The following ARHGAP21 variants were observed in gnomAD, a reference collection of about 807,000 sequenced individuals.
The protein encoded by ARHGAP21 is Rho GTPase activating protein 21.
Under a neutral mutation model 164.6 loss-of-function variants are expected in ARHGAP21, and 38 were observed. The ratio of observed to expected loss-of-function variants is 0.23; its 90% CI spans 0.18 to 0.30. The LOEUF is 0.30. ARHGAP21 is among the 10% of genes least tolerant of loss of function. The probability of loss-of-function intolerance (pLI) is 1.00; values close to 1 mark genes in which losing one functional copy is unlikely to be tolerated. For synonymous variants in ARHGAP21, 766 were observed against 857.9 expected (o/e 0.89, Z 1.87); for missense variants, 1,822 against 2,370.7 (o/e 0.77, Z 4.81).
intron 4 of ARHGAP21, among the ~76,000 whole-genome samples, chr10:24,642,730 A>G (rs1215712123): frequency 6.6e-6 from 1 of 152,202 alleles, no homozygotes; most frequent in African/African-American, 2.4e-5. Context: ...AAGGTTTCAC[A>G]TGTAAAAATC....
chr10:24,595,859 G>C, intron 18 of ARHGAP21, 29 bp downstream of exon 18: 1 of 1,610,228 alleles, frequency 6.2e-7, no homozygotes. Context: ...GGAAAAAAAA[G>C]GATCAGTTAT....
chr10:24,694,158 A>G (rs1308214116), intron 2 of ARHGAP21, among the ~76,000 whole-genome samples: 1 of 152,220 alleles, frequency 6.6e-6, no homozygotes, highest in Admixed American at 6.5e-5. Context: ...AGTACCATTC[A>G]ACTCACCCAT....
At position 24,613,028 on chromosome 10, in the gene ARHGAP21, C is replaced by A. The variant is rs541302625; in HGVS notation, c.2423-5125G>T. ...TTCTTTCAAGTAATAATGTATTAAT[C>A]TTTGGCAATGCCACTTTTTTTTTTA... On this transcript the variant is annotated intron_variant, in intron 9 of 25. Transcript: ENST00000396432. Among the ~76,000 whole-genome samples, 4 of 151,954 alleles carry A rather than the reference C, an allele frequency of 2.6e-5. No individual in the cohort carries two copies. In the East Asian group the frequency reaches 7.7e-4, roughly 29 times the overall value.
chr10:24,699,231 G>A (rs900089379), intron 2 of ARHGAP21, among the ~76,000 whole-genome samples: 4 of 152,120 alleles, frequency 2.6e-5, no homozygotes, highest in African/African-American at 9.6e-5. Context: ...TTGGGAATGG[G>A]AGGGAAATAT....
chr10:24,695,351 T>C (rs2132058478), intron 2 of ARHGAP21, among the ~76,000 whole-genome samples: 1 of 152,088 alleles, frequency 6.6e-6, no homozygotes, highest in Middle Eastern at 3.4e-3. Context: ...GGTGGATCAC[T>C]TGAAATCATG....
At chr10:24,720,748 C>CT in intron 2 of ARHGAP21, among the ~76,000 whole-genome samples, 1 of 152,180 alleles carries the variant, frequency 6.6e-6, no homozygotes, top group South Asian at 2.1e-4. Context: ...GTTTCAAGGA[C>CT]TATGAAGTTA....
Position 24,607,900 on chromosome 10 carries a change from T to A in ARHGAP21, c.2426A>T (p.Glu809Val). Residue 809 changes from glutamate to valine, a missense_variant, in exon 10 of 26, where the codon GAA (glutamate) becomes GTA (valine). Physicochemically the swap from Glu to Val is moderately radical, Grantham distance 121 (BLOSUM62 -2). Coordinates refer to ENST00000396432, the MANE Select transcript of ARHGAP21 (RefSeq NM_020824.4). The stretch of plus-strand genomic sequence containing the variant: ...ATGATCAATGCTAGGGCTAGTTGGT[T>A]CATCTGTAAGAAAAAAGGAAAATCA... ...DSLASIPFID[E>V]PTSPSIDHDI... 6.3e-7 allele frequency: 1 copy of A among 1,590,214 alleles called. No individual in the cohort carries two copies. The highest frequency in any genetic ancestry group is 8.5e-7 in the Non-Finnish European group (1 of 1,169,962).
At chr10:24,642,579 T>C (rs1837185129) in intron 4 of ARHGAP21, among the ~76,000 whole-genome samples, 2 of 151,210 alleles carry the variant, frequency 1.3e-5, no homozygotes, top group Admixed American at 1.3e-4. Context: ...GTATGTAGCA[T>C]TCTGCACTAT....
intron 11 of ARHGAP21, among the ~76,000 whole-genome samples, chr10:24,606,281 A>G (rs965200808): frequency 6.6e-6 from 1 of 152,162 alleles, no homozygotes; most frequent in African/African-American, 2.4e-5. Flanking sequence ...TTGAATTAGG[A>G]AAGACTTGCA....
chr10:24,633,651 G>A (rs527437310), intron 5 of ARHGAP21, among the ~76,000 whole-genome samples, 171 bp from the exon 6 acceptor site: 3 of 152,058 alleles, frequency 2.0e-5, no homozygotes, highest in South Asian at 4.2e-4. Context: ...ACAATTATAT[G>A]AATATCCTAG....
intron 4 of ARHGAP21, among the ~76,000 whole-genome samples, chr10:24,661,873 G>A (rs1359221989): frequency 6.6e-6 from 1 of 152,174 alleles, no homozygotes; most frequent in Non-Finnish European, 1.5e-5. Context: ...ACAATATGGT[G>A]TAATTGTTGA....
rs556060812 is a variant in ARHGAP21 at position 24,604,598 on chromosome 10, CT to C, written c.2685-251del. Among the ~76,000 whole-genome samples, 45 of 151,776 alleles carry C rather than the reference CT, an allele frequency of 3.0e-4. No individual in the cohort carries two copies. In the South Asian group the frequency reaches 9.4e-3, roughly 32 times the overall value. On this transcript the variant is annotated intron_variant, in intron 11 of 25. Coordinates refer to ENST00000396432, the MANE Select transcript of ARHGAP21 (RefSeq NM_020824.4). ...GTTTCTGCTTGAAGTGTGGGATTTT[CT>C]TTTTTTTATCAAAGAAAAAGCTACT...
At chr10:24,604,281 C>T (rs1480765837) in intron 12 of ARHGAP21, 31 bp downstream of exon 12, 14 of 1,497,550 alleles carry the variant, frequency 9.3e-6, no homozygotes, top group Non-Finnish European at 1.3e-5. Flanking sequence ...AAGAGATAAA[C>T]TAAGGTAAGT....
rs550236443 is a variant in ARHGAP21 at position 24,683,638 on chromosome 10, C to T, written c.64-13241G>A. 9.9e-5 allele frequency among the ~76,000 whole-genome samples: 15 copies of T among 152,124 alleles called. No individual in the cohort carries two copies. In the South Asian group the frequency reaches 3.1e-3, roughly 32 times the overall value. ...TAGGGTATGTCTTTATAGTATAATG[C>T]CAGAAGATGGTTTGTTAATATAAAT... On this transcript the variant is annotated intron_variant, in intron 2 of 25. Transcript: ENST00000396432.
intron 2 of ARHGAP21, among the ~76,000 whole-genome samples, chr10:24,695,438 G>A (rs895996501): frequency 5.3e-5 from 8 of 151,782 alleles, no homozygotes; most frequent in Non-Finnish European, 2.9e-5. Context: ...GCGTGGTGGC[G>A]GGTGCCTGTA....
At chr10:24,691,843 A>G (rs370764269) in intron 2 of ARHGAP21, among the ~76,000 whole-genome samples, 5 of 152,370 alleles carry the variant, frequency 3.3e-5, no homozygotes, top group African/African-American at 1.2e-4. Context: ...AACCTTTTAC[A>G]AGGGCAAACT....
At chr10:24,619,327 G>T in intron 9 of ARHGAP21, 146 bp downstream of exon 9, 1 of 796,096 alleles carries the variant, frequency 1.3e-6, no homozygotes, top group Non-Finnish European at 1.9e-6. Flanking sequence ...TGAAAGCTCT[G>T]GTTGAAGCAC....
intron 23 of ARHGAP21, 25 bp from the exon 24 acceptor site, chr10:24,591,355 TTCA>T (rs1452926308): frequency 1.3e-6 from 2 of 1,548,926 alleles, no homozygotes; most frequent in Non-Finnish European, 1.8e-6. Flanking sequence ...CAAAGATCTC[TTCA>T]TCATCTCTTC....
At chr10:24,596,420 CATGTATT>C in intron 17 of ARHGAP21, 1 of 489,464 alleles carries the variant, frequency 2.0e-6, no homozygotes, top group South Asian at 3.9e-5. Flanking sequence ...CATACATTTA[CATGTATT>C]ATACTTTCTT....
Sources: allele counts gnomAD v4.1 joint callset (sites outside exome capture counted in the v4.1 genomes callset), GRCh38; gene constraint gnomAD v4.1.1; transcripts MANE v1.5; gene names NCBI Gene and HGNC (gene_info 2026-07-23, HGNC 2026-07-21).